Variants in VRK3 observed in about 807,000 individuals in gnomAD.
VRK3 encodes VRK serine/threonine kinase 3, also known as serine/threonine-protein kinase VRK3.
In VRK3, 50 loss-of-function variants were observed where a neutral mutation model predicts 60.4. The ratio of observed to expected loss-of-function variants is 0.83; its 90% CI spans 0.66 to 1.05. VRK3 has a LOEUF of 1.05. Ranked by LOEUF, VRK3 falls within the 50% of genes least tolerant of loss-of-function variation. The pLI, the probability that VRK3 is intolerant of heterozygous loss-of-function variation, is 0.00. For synonymous variants in VRK3, 246 were observed against 227.8 expected (o/e 1.08, Z -0.72); for missense variants, 549 against 585.3 (o/e 0.94, Z 0.64).
intron 6 of VRK3, 179 bp downstream of exon 6, chr19:50,000,611 A>G: frequency 1.5e-6 from 1 of 683,690 alleles, no homozygotes; most frequent in African/African-American, 1.8e-5. Context: ...TGGGTTTCCA[A>G]CACCCTGGGA....
intron 13 of VRK3, among the ~76,000 whole-genome samples, chr19:49,980,475 G>A (rs1335544454): frequency 1.3e-5 from 2 of 152,094 alleles, no homozygotes; most frequent in East Asian, 1.9e-4. Flanking sequence ...CAGCACTTTG[G>A]GAGGCCGAGG....
intron 6 of VRK3, chr19:50,000,457 C>T (rs931064845): frequency 1.6e-5 from 6 of 370,746 alleles, no homozygotes; most frequent in Admixed American, 8.7e-5. Flanking sequence ...GCTGCGAGGC[C>T]GGTGGTAGGG....
rs1054681566 is a variant in VRK3 at position 50,023,667 on chromosome 19, T to C, written c.-65+1600A>G. Among the ~76,000 whole-genome samples, 4 of 152,084 alleles carry C rather than the reference T, an allele frequency of 2.6e-5. No individual in the cohort carries two copies. The South Asian group carries it at 6.3e-4, about 24-fold the overall frequency. On this transcript the variant is annotated intron_variant, in intron 1 of 14. Transcript: ENST00000316763. ...TCAAACAGGCCTGGCACAGAGCAAA[T>C]GCTGGGTCTACGTCTGCTGAGTGAA...
intron 10 of VRK3, among the ~76,000 whole-genome samples, chr19:49,991,186 T>C (rs1353138486): frequency 6.6e-6 from 1 of 152,192 alleles, no homozygotes; most frequent in Admixed American, 6.5e-5. Context: ...GAGGGTGTTC[T>C]GGATGAGATG....
chr19:50,020,379 G>C (rs1383641040), intron 2 of VRK3: 1 of 152,276 alleles, frequency 6.6e-6, no homozygotes. Context: ...GTGTTAAATA[G>C]AATTTCCCCA....
In VRK3 at chr19:50,004,315, C is replaced by G. The variant is rs568389133; in HGVS notation, c.547+3254G>C. 3.3e-5 allele frequency among the ~76,000 whole-genome samples: 5 copies of G among 152,140 alleles called. No homozygotes were observed. In the East Asian group the frequency reaches 9.7e-4, roughly 29 times the overall value. On this transcript the variant is annotated intron_variant, in intron 5 of 14. Coordinates refer to ENST00000316763, the MANE Select transcript of VRK3 (RefSeq NM_016440.4). ...CTCTCCCCACCCTGCTCTCTCACCT[C>G]AATCTCTTTCTTACTGTTGGTTTTC... is the stretch of plus-strand genomic sequence containing the variant.
chr19:49,979,197 T>C lies in VRK3; in HGVS notation c.1322A>G (p.Glu441Gly). 1 of 1,613,862 alleles carries C rather than the reference T, an allele frequency of 6.2e-7. No homozygotes were observed. The highest frequency in any genetic ancestry group is 8.5e-7 in the Non-Finnish European group (1 of 1,179,972). The change falls in exon 14 of 15, where the codon GAG becomes GGG. Residue 441 changes from glutamate (E) to glycine (G), a missense_variant. Glu to Gly is a moderately conservative substitution (Grantham distance 98). Transcript: ENST00000316763. ...YLKVVMALTY[E>G]EKPPYAMLRN... Reference sequence around the variant, plus strand: ...CAGCATGGCGTAGGGCGGCTTCTCCTCATACGTGAGGGCCATCACCACCTT... The same window carrying C: ...CAGCATGGCGTAGGGCGGCTTCTCCCCATACGTGAGGGCCATCACCACCTT...
chr19:49,987,715 T>C, intron 12 of VRK3: 1 of 151,194 alleles, frequency 6.6e-6, no homozygotes, highest in South Asian at 2.1e-4. Context: ...TTTTTTTTTT[T>C]TTTTTGAGAC....
At chr19:50,010,071 C>T (rs986240115) in intron 3 of VRK3, among the ~76,000 whole-genome samples, 1 of 151,742 alleles carries the variant, frequency 6.6e-6, no homozygotes, top group African/African-American at 2.4e-5. Flanking sequence ...CACACACACA[C>T]ACATATACAC....
chr19:49,999,325 T>G (rs963849087), intron 6 of VRK3: 1 of 152,370 alleles, frequency 6.6e-6, no homozygotes, highest in East Asian at 1.9e-4. Flanking sequence ...CCATAGTGAC[T>G]GACGCGAGCG....
intron 6 of VRK3, chr19:49,998,805 C>T (rs1311946069): frequency 2.0e-5 from 3 of 151,906 alleles, no homozygotes; most frequent in Admixed American, 6.6e-5. Context: ...CACACACACA[C>T]ACGCACACAC....
chr19:50,001,292 GA>G (rs1273884281), intron 5 of VRK3: 1 of 167,010 alleles, frequency 6.0e-6, no homozygotes, highest in African/African-American at 2.4e-5. Flanking sequence ...CCCGAGCACT[GA>G]GCCTCTGAGG....
At chr19:49,981,992 G>GT (rs1303096558) in intron 12 of VRK3, 7 of 639,800 alleles carry the variant, frequency 1.1e-5, no homozygotes, top group African/African-American at 1.8e-5. Flanking sequence ...GGCCAGCGGG[G>GT]CCGTCAAGTA....
At chr19:49,987,945 G>A (rs986627274) in intron 12 of VRK3, 37 of 155,840 alleles carry the variant, frequency 2.4e-4, no homozygotes, top group Non-Finnish European at 1.7e-4. Context: ...CTCGTGATCC[G>A]CCCGCCTCTG....
At chr19:50,022,329 G>A (rs1057458888) in intron 1 of VRK3, among the ~76,000 whole-genome samples, 3 of 152,214 alleles carry the variant, frequency 2.0e-5, no homozygotes, top group Non-Finnish European at 2.9e-5. Context: ...TTCTGACACC[G>A]TCACCAGCCT....
At chr19:49,984,557 C>T (rs2076480585) in intron 12 of VRK3, among the ~76,000 whole-genome samples, 1 of 152,206 alleles carries the variant, frequency 6.6e-6, no homozygotes, top group South Asian at 2.1e-4. Flanking sequence ...GTCTGCCCGA[C>T]CTCTGTGTCC....
intron 6 of VRK3, 147 bp downstream of exon 6, chr19:50,000,643 C>T (rs2076787755): frequency 4.5e-6 from 4 of 895,300 alleles, no homozygotes; most frequent in Non-Finnish European, 7.0e-6. Flanking sequence ...TGGGCGCCTG[C>T]CCCGCCCACG....
chr19:50,013,387 C>T (rs1052698710), intron 3 of VRK3, among the ~76,000 whole-genome samples: 2 of 152,164 alleles, frequency 1.3e-5, no homozygotes, highest in African/African-American at 4.8e-5. Flanking sequence ...TACGCACTGT[C>T]CCCTTTTAGT....
intron 9 of VRK3, among the ~76,000 whole-genome samples, chr19:49,994,189 T>A (rs900700376): frequency 1.2e-4 from 19 of 152,166 alleles, no homozygotes; most frequent in African/African-American, 4.1e-4. Flanking sequence ...GCCCTCTTAC[T>A]CTCAATCACA....
Sources: gnomAD v4.1 joint callset for allele counts (sites outside exome capture counted in the v4.1 genomes callset) on GRCh38, gnomAD v4.1.1 for gene constraint, MANE v1.5 for transcripts, NCBI Gene and HGNC (gene_info 2026-07-23, HGNC 2026-07-21) for gene names.